Variants in PDE8A observed in about 807,000 individuals in gnomAD.
The protein encoded by PDE8A is high affinity cAMP-specific and IBMX-insensitive 3',5'-cyclic phosphodiesterase 8A.
In PDE8A, 59 loss-of-function variants were observed where a neutral mutation model predicts 105.0. That is an observed-to-expected ratio of 0.56 (90% CI 0.46 to 0.70). PDE8A has a LOEUF of 0.70. PDE8A is among the 30% of genes least tolerant of loss of function. The pLI is 0.00. For synonymous variants in PDE8A, 355 were observed against 371.9 expected, an observed-to-expected ratio of 0.95 and a Z score of 0.52; for missense variants, 1,014 against 1,045.9, an observed-to-expected ratio of 0.97 and a Z score of 0.42.
At chr15:84,990,867 A>G (rs540324794) in intron 1 of PDE8A, among the ~76,000 whole-genome samples, 2 of 152,296 alleles carry the variant, frequency 1.3e-5, no homozygotes, top group South Asian at 2.1e-4. Context: ...ATAAAAGTTC[A>G]GTTGCTCTAC....
intron 1 of PDE8A, among the ~76,000 whole-genome samples, chr15:85,005,848 A>C (rs1463736912): frequency 6.6e-6 from 1 of 152,126 alleles, no homozygotes; most frequent in Non-Finnish European, 1.5e-5. Context: ...AAAAAAGGAA[A>C]TTGGGCCAAG....
intron 1 of PDE8A, among the ~76,000 whole-genome samples, chr15:85,013,760 T>C (rs2080278019): frequency 6.6e-6 from 1 of 152,246 alleles, no homozygotes; most frequent in Non-Finnish European, 1.5e-5. Context: ...ATAGTCTCTC[T>C]TGAGGTTGCA....
At chr15:85,065,494 AAAAG>A (rs1456892182) in intron 2 of PDE8A, among the ~76,000 whole-genome samples, 1 of 151,898 alleles carries the variant, frequency 6.6e-6, no homozygotes, top group Non-Finnish European at 1.5e-5. Flanking sequence ...AAAAAAAAAA[AAAAG>A]AAAACAACCA....
chr15:85,112,627 T>C (rs2082036996), intron 12 of PDE8A, among the ~76,000 whole-genome samples: 1 of 152,216 alleles, frequency 6.6e-6, no homozygotes, highest in Non-Finnish European at 1.5e-5. Context: ...GTTTCTTCAT[T>C]GGTAAAATGA....
intron 11 of PDE8A, 122 bp from the exon 12 acceptor site, chr15:85,108,931 T>G: frequency 1.5e-6 from 1 of 656,356 alleles, no homozygotes; most frequent in South Asian, 2.0e-5. Flanking sequence ...TGTACTGTGT[T>G]TACTTTTGTG....
At chr15:85,043,198 A>G (rs1430718124) in intron 1 of PDE8A, among the ~76,000 whole-genome samples, 2 of 152,250 alleles carry the variant, frequency 1.3e-5, no homozygotes, top group African/African-American at 4.8e-5. Context: ...TTGTTAATCA[A>G]TTGATTTGGT....
rs545359721 is a variant in PDE8A at position 84,993,859 on chromosome 15, A to G, written c.186+11511A>G. 5.4e-4 allele frequency among the ~76,000 whole-genome samples: 82 copies of G among 152,298 alleles called. 1 individual carries two copies. The highest frequency in any genetic ancestry group is 1.8e-3 in the African/African-American group (74 of 41,568). ...GCTATGATTGTGCCACTGCACTCCA[A>G]CCTGGGTGACAGAGTGAGACCCTGT... On this transcript the variant is annotated intron_variant, in intron 1 of 21. Coordinates refer to ENST00000394553, the MANE Select transcript of PDE8A (RefSeq NM_002605.3).
At chr15:85,097,726 C>T (rs2141554852) in intron 8 of PDE8A, 1 of 488,430 alleles carries the variant, frequency 2.0e-6, no homozygotes, top group Non-Finnish European at 3.7e-6. Flanking sequence ...AAATATATGA[C>T]CACTTAGACT....
At chr15:85,089,213 T>G (rs2081601549) in intron 6 of PDE8A, 125 bp from the exon 7 acceptor site, 1 of 640,720 alleles carries the variant, frequency 1.6e-6, no homozygotes, top group Non-Finnish European at 2.8e-6. Flanking sequence ...TTTCTTTTTA[T>G]GTTTTAAAAT....
chr15:85,072,932 G>A (rs1482714785), intron 3 of PDE8A, among the ~76,000 whole-genome samples: 3 of 151,832 alleles, frequency 2.0e-5, no homozygotes, highest in Admixed American at 6.6e-5. Context: ...GAGCCACATG[G>A]TGAAACCCTA....
chr15:85,036,110 T>G (rs1378515952), intron 1 of PDE8A, among the ~76,000 whole-genome samples: 1 of 152,190 alleles, frequency 6.6e-6, no homozygotes, highest in Non-Finnish European at 1.5e-5. Context: ...CTTGGCAATT[T>G]GATAGAAAAT....
intron 1 of PDE8A, among the ~76,000 whole-genome samples, chr15:85,010,846 T>C (rs2080227770): frequency 6.7e-6 from 1 of 148,934 alleles, no homozygotes; most frequent in African/African-American, 2.5e-5. Flanking sequence ...GGAGCAGTTA[T>C]TGGCTAATCA....
chr15:85,054,488 T>G (rs1176681647), intron 1 of PDE8A, among the ~76,000 whole-genome samples: 1 of 152,222 alleles, frequency 6.6e-6, no homozygotes, highest in Non-Finnish European at 1.5e-5. Flanking sequence ...TGCCTCAACT[T>G]CAGAGCCTGT....
At chr15:85,087,558 TTTC>T (rs567975471) in intron 6 of PDE8A, among the ~76,000 whole-genome samples, 27 of 152,126 alleles carry the variant, frequency 1.8e-4, no homozygotes, top group Non-Finnish European at 3.5e-4. Context: ...AGCAGGCAGT[TTTC>T]TTTTTTTTCA....
intron 19 of PDE8A, among the ~76,000 whole-genome samples, chr15:85,125,978 T>C (rs922296065): frequency 2.6e-5 from 4 of 152,106 alleles, no homozygotes; most frequent in Admixed American, 2.6e-4. Flanking sequence ...CAACCCCTAG[T>C]GCTACCCTCC....
chr15:85,064,545 G>C lies in PDE8A; in HGVS notation c.243+119G>C, dbSNP rs1025169093. 6 of 664,600 alleles carry C rather than the reference G, an allele frequency of 9.0e-6. No individual in the cohort carries two copies. The Admixed American group carries it at 1.6e-4, about 18-fold the overall frequency. 41.2% of individuals were successfully genotyped at this position (664,600 alleles called of 1,614,324 possible). A position where few individuals can be genotyped will look rare whatever the true frequency, so the allele number is the denominator to read the frequency against. ...TTTAGATAATAGTGTTTGGACCAAT[G>C]TTAAATTCCCTGAACTCTGTAACAG... is the stretch of plus-strand genomic sequence containing the variant. On this transcript the variant is annotated intron_variant, in intron 2 of 21. Transcript: ENST00000394553.
chr15:85,006,467 C>T (rs2080149566), intron 1 of PDE8A, among the ~76,000 whole-genome samples: 1 of 152,120 alleles, frequency 6.6e-6, no homozygotes, highest in Non-Finnish European at 1.5e-5. Context: ...AACATTTAGT[C>T]TACCTGGAAG....
chr15:85,013,955 G>A (rs949991462), intron 1 of PDE8A, among the ~76,000 whole-genome samples: 3 of 152,094 alleles, frequency 2.0e-5, no homozygotes, highest in Admixed American at 1.3e-4. Flanking sequence ...CTGGCTTCCC[G>A]CAGAGAAGTG....
chr15:85,043,619 GATATTT>G (rs1207709991), intron 1 of PDE8A, among the ~76,000 whole-genome samples: 1 of 152,108 alleles, frequency 6.6e-6, no homozygotes, highest in African/African-American at 2.4e-5. Context: ...ACGTTAATAC[GATATTT>G]AAGAACTAGA....
Sources: allele counts gnomAD v4.1 joint callset (sites outside exome capture counted in the v4.1 genomes callset), GRCh38; gene constraint gnomAD v4.1.1; transcripts MANE v1.5; gene names NCBI Gene and HGNC (gene_info 2026-07-23, HGNC 2026-07-21).